Variants in ABL2 observed in about 807,000 individuals in gnomAD.
ABL2 encodes ABL proto-oncogene 2, non-receptor tyrosine kinase, also known as tyrosine-protein kinase ABL2.
In ABL2, 49 loss-of-function variants were observed where a neutral mutation model predicts 107.7. The ratio of observed to expected loss-of-function variants is 0.45; its 90% CI spans 0.36 to 0.58. The LOEUF (loss-of-function observed/expected upper bound fraction) is 0.58. Ranked by LOEUF, ABL2 falls within the 20% of genes least tolerant of loss-of-function variation. The probability of loss-of-function intolerance (pLI) is 0.00; values close to 1 mark genes in which losing one functional copy is unlikely to be tolerated. For missense variants in ABL2, 1,245 were observed against 1,457.0 expected (o/e 0.85, Z 2.37); for synonymous variants, 549 against 548.6 (o/e 1.00, Z -0.01).
chr1:179,204,118 C>T (rs1292152917), intron 1 of ABL2, among the ~76,000 whole-genome samples: 1 of 152,030 alleles, frequency 6.6e-6, no homozygotes, highest in Non-Finnish European at 1.5e-5. Context: ...CCTCCACCTC[C>T]CAGGTTCAAG....
intron 1 of ABL2, among the ~76,000 whole-genome samples, chr1:179,152,736 A>C (rs552199458): frequency 6.6e-6 from 1 of 152,356 alleles, no homozygotes; most frequent in Admixed American, 6.5e-5. Context: ...ACTGATCTAT[A>C]AGACTTCTCA....
At chr1:179,110,938 T>C (rs567894416) in intron 10 of ABL2, 3 of 1,536,982 alleles carry the variant, frequency 2.0e-6, no homozygotes, top group African/African-American at 1.4e-5. Context: ...AAAGCTGTGG[T>C]TACTCTGCAT....
intron 6 of ABL2, among the ~76,000 whole-genome samples, chr1:179,119,129 T>C (rs1654934450): frequency 6.6e-6 from 1 of 152,132 alleles, no homozygotes. Flanking sequence ...TCAAAAGTAA[T>C]AGCAATTGTG....
intron 1 of ABL2, among the ~76,000 whole-genome samples, chr1:179,210,580 C>T (rs185360106): frequency 4.1e-5 from 6 of 147,502 alleles, no homozygotes; most frequent in South Asian, 2.2e-4. Context: ...TTTCGCCAGG[C>T]GTGGTGGCTC....
At chr1:179,135,755 T>C (rs1226606413) in intron 1 of ABL2, among the ~76,000 whole-genome samples, 395 of 71,030 alleles carry the variant, frequency 5.6e-3, no homozygotes, top group Middle Eastern at 0.013. Flanking sequence ...CCCGGCCAGC[T>C]GCCCCGTCCG....
chr1:179,116,667 C>CGTGG (rs1654662396), intron 8 of ABL2, among the ~76,000 whole-genome samples: 1 of 151,558 alleles, frequency 6.6e-6, no homozygotes, highest in Non-Finnish European at 1.5e-5. Flanking sequence ...TGCATCACCA[C>CGTGG]ACCCAGCTAA....
At position 179,109,182 on chromosome 1, in the gene ABL2, T is replaced by C. The variant is rs386352273; in HGVS notation, c.2085A>G (p.Leu695=). 6 of 1,613,630 alleles carry C rather than the reference T, an allele frequency of 3.7e-6. No homozygotes were observed. In the Admixed American group the frequency reaches 1.0e-4, roughly 27 times the overall value. ...TGAAAGAGAACCCATCAGCATGCTG[T>C]AGAGAAGCAACAGATGAGAAGTTAC... is the stretch of plus-strand genomic sequence containing the variant. The part of the protein sequence containing the change: ...LTGNFSSVAS[L]QHADGFSFTP... The change falls in exon 12 of 12, where the codon CTA becomes CTG. Residue 695 remains leucine (L), a synonymous_variant. Coordinates refer to ENST00000502732, the MANE Select transcript of ABL2 (RefSeq NM_007314.4).
At chr1:179,112,782 T>C (rs765756649) in intron 9 of ABL2, among the ~76,000 whole-genome samples, 10 of 150,318 alleles carry the variant, frequency 6.7e-5, no homozygotes, top group Non-Finnish European at 1.3e-4. Flanking sequence ...TGAGACGGAA[T>C]CTAACTCTGT....
At chr1:179,217,186 C>T (rs1472144748) in intron 1 of ABL2, among the ~76,000 whole-genome samples, 2 of 151,636 alleles carry the variant, frequency 1.3e-5, no homozygotes, top group African/African-American at 4.8e-5. Context: ...CCCAGCTACA[C>T]AGGAGGCTGA....
At chr1:179,114,716 T>C (rs1452108681) in intron 9 of ABL2, among the ~76,000 whole-genome samples, 162 bp downstream of exon 9, 1 of 152,236 alleles carries the variant, frequency 6.6e-6, no homozygotes, top group Non-Finnish European at 1.5e-5. Flanking sequence ...TAAGATTCAA[T>C]GGTATATGAT....
At chr1:179,136,683 G>A (rs892997737) in intron 1 of ABL2, among the ~76,000 whole-genome samples, 28 of 143,496 alleles carry the variant, frequency 2.0e-4, no homozygotes, top group Admixed American at 1.3e-3. Context: ...CCCCCTCTGC[G>A]AGAAACACCC....
intron 1 of ABL2, among the ~76,000 whole-genome samples, chr1:179,205,719 G>A (rs995405722): frequency 1.3e-5 from 2 of 152,168 alleles, no homozygotes; most frequent in Non-Finnish European, 2.9e-5. Context: ...TAGGGAGGGC[G>A]GGTAAGGGGG....
chr1:179,201,647 T>C, intron 1 of ABL2: 1 of 488,880 alleles, frequency 2.0e-6, no homozygotes, highest in South Asian at 1.9e-5. Flanking sequence ...AGTCTTCCTT[T>C]CGGGATAGCG....
At chr1:179,110,662 G>C in intron 10 of ABL2, 1 of 1,548,386 alleles carries the variant, frequency 6.5e-7, no homozygotes, top group Non-Finnish European at 8.8e-7. Flanking sequence ...GCATGTGGCA[G>C]GGGTTCTCAT....
intron 1 of ABL2, among the ~76,000 whole-genome samples, chr1:179,134,864 C>G (rs1471578736): frequency 6.6e-6 from 1 of 152,216 alleles, no homozygotes; most frequent in African/African-American, 2.4e-5. Context: ...TGAGTGCCTG[C>G]GAGTGCAGGC....
intron 1 of ABL2, among the ~76,000 whole-genome samples, chr1:179,175,143 C>G (rs1004709778): frequency 6.6e-6 from 1 of 151,980 alleles, no homozygotes; most frequent in Non-Finnish European, 1.5e-5. Flanking sequence ...TTCATCCTCC[C>G]AAAGTACTAG....
chr1:179,187,124 G>A (rs974121320), intron 1 of ABL2, among the ~76,000 whole-genome samples: 3 of 152,038 alleles, frequency 2.0e-5, no homozygotes, highest in Non-Finnish European at 4.4e-5. Context: ...TCTCTTATAT[G>A]TGATTTCATT....
intron 1 of ABL2, among the ~76,000 whole-genome samples, chr1:179,180,126 AC>A (rs1660286745): frequency 1.3e-5 from 2 of 151,536 alleles, no homozygotes; most frequent in Admixed American, 1.3e-4. Context: ...TCTTAAAAAA[AC>A]AAAAAAAAAA....
intron 4 of ABL2, among the ~76,000 whole-genome samples, chr1:179,122,615 T>C (rs1655334062): frequency 6.6e-6 from 1 of 151,920 alleles, no homozygotes; most frequent in African/African-American, 2.4e-5. Flanking sequence ...AATATATATA[T>C]ACTCAAATTA....
Sources: allele counts gnomAD v4.1 joint callset (sites outside exome capture counted in the v4.1 genomes callset), GRCh38; gene constraint gnomAD v4.1.1; transcripts MANE v1.5; gene names NCBI Gene and HGNC (gene_info 2026-07-23, HGNC 2026-07-21).